Variants in IFT43 observed in about 807,000 individuals in gnomAD.
IFT43 encodes the protein intraflagellar transport protein 43 homolog.
Under a neutral mutation model 32.3 loss-of-function variants are expected in IFT43, and 33 were observed. That is an observed-to-expected ratio of 1.02 (90% confidence interval 0.77 to 1.37). The LOEUF (loss-of-function observed/expected upper bound fraction) is 1.37. Among genes scored for constraint, IFT43 ranks in the 40% most tolerant of loss-of-function variants. IFT43 has a pLI of 0.00. For synonymous variants in IFT43, 93 were observed against 98.2 expected (o/e 0.95, Z 0.31); for missense variants, 274 against 265.9 (o/e 1.03, Z -0.21).
chr14:75,986,683 A>G (rs554045480), intron 1 of IFT43, among the ~76,000 whole-genome samples: 1 of 152,288 alleles, frequency 6.6e-6, no homozygotes, highest in African/African-American at 2.4e-5. Context: ...TTCAAGACCC[A>G]AGTTCAGTGT....
chr14:75,986,019 C>A, intron 1 of IFT43, 179 bp downstream of exon 1: 1 of 1,525,250 alleles, frequency 6.6e-7, no homozygotes, highest in Admixed American at 2.0e-5. Context: ...TCCGCCGCTG[C>A]TGGCCTGGGG....
At chr14:76,072,497 G>A (rs1393123493) in intron 5 of IFT43, among the ~76,000 whole-genome samples, 2 of 152,182 alleles carry the variant, frequency 1.3e-5, no homozygotes, top group African/African-American at 2.4e-5. Context: ...TAGTAGTAAC[G>A]TCTCCGGGAT....
intron 5 of IFT43, among the ~76,000 whole-genome samples, chr14:76,070,052 A>T (rs919430996): frequency 3.9e-5 from 6 of 152,252 alleles, no homozygotes; most frequent in African/African-American, 1.4e-4. Context: ...CAAGTGTAGC[A>T]ATCTGGATGA....
chr14:75,999,225 TTTTA>T, intron 2 of IFT43, among the ~76,000 whole-genome samples: 1 of 115,722 alleles, frequency 8.6e-6, no homozygotes, highest in South Asian at 2.8e-4. Flanking sequence ...TATAAATTCA[TTTTA>T]TATATATATA....
intron 3 of IFT43, among the ~76,000 whole-genome samples, chr14:76,029,669 C>T (rs893271038): frequency 6.6e-6 from 1 of 152,074 alleles, no homozygotes; most frequent in Non-Finnish European, 1.5e-5. Context: ...CAGTTTCATT[C>T]TTTTACATAT....
chr14:76,028,329 T>C (rs2036443742), intron 3 of IFT43, among the ~76,000 whole-genome samples: 1 of 152,214 alleles, frequency 6.6e-6, no homozygotes, highest in African/African-American at 2.4e-5. Context: ...ATATCAGGGA[T>C]TGCAAAATTT....
chr14:76,007,472 C>T (rs1340537599), intron 2 of IFT43, among the ~76,000 whole-genome samples: 2 of 152,138 alleles, frequency 1.3e-5, no homozygotes, highest in Admixed American at 6.5e-5. Flanking sequence ...CCTAAAGCAT[C>T]AAGGTTACAG....
At chr14:76,078,078 C>T (rs2037441818) in intron 5 of IFT43, among the ~76,000 whole-genome samples, 1 of 152,154 alleles carries the variant, frequency 6.6e-6, no homozygotes, top group African/African-American at 2.4e-5. Context: ...AGGAAAGATA[C>T]AAGCAAGGTG....
intron 1 of IFT43, chr14:75,986,155 A>G (rs923134760): frequency 1.5e-6 from 2 of 1,354,764 alleles, no homozygotes; most frequent in Non-Finnish European, 9.7e-7. Context: ...CCCAGAACAG[A>G]TCGATCACAG....
chr14:76,040,198 C>CT (rs1232001980), intron 3 of IFT43, among the ~76,000 whole-genome samples: 1 of 152,138 alleles, frequency 6.6e-6, no homozygotes, highest in Admixed American at 6.5e-5. Context: ...CAAGCCAGTA[C>CT]TTTGGCCTCT....
intron 4 of IFT43, chr14:76,058,914 C>T (rs2037077434): frequency 6.9e-7 from 1 of 1,456,870 alleles, no homozygotes; most frequent in Admixed American, 2.7e-5. Context: ...AATTATATGT[C>T]CAGGTATCAG....
chr14:76,040,056 A>C (rs2036678152), intron 3 of IFT43, among the ~76,000 whole-genome samples: 1 of 152,136 alleles, frequency 6.6e-6, no homozygotes. Flanking sequence ...AGCCTCAAGC[A>C]ATCCTCCCAT....
At chr14:76,076,279 A>G (rs2037410929) in intron 5 of IFT43, among the ~76,000 whole-genome samples, 1 of 152,250 alleles carries the variant, frequency 6.6e-6, no homozygotes. Context: ...TCATTCGCTC[A>G]GATGTCAAGG....
intron 1 of IFT43, among the ~76,000 whole-genome samples, chr14:75,987,775 C>T (rs943381703): frequency 6.6e-6 from 1 of 152,158 alleles, no homozygotes; most frequent in African/African-American, 2.4e-5. Context: ...CACCGGAGGG[C>T]CTTGGGAAAC....
chr14:76,000,729 A>G (rs183615843), intron 2 of IFT43, among the ~76,000 whole-genome samples: 2 of 152,310 alleles, frequency 1.3e-5, no homozygotes, highest in Non-Finnish European at 2.9e-5. Context: ...GGGCAGGCAG[A>G]TAGGATGTGG....
intron 5 of IFT43, among the ~76,000 whole-genome samples, chr14:76,075,180 C>G (rs894025963): frequency 1.3e-5 from 2 of 152,206 alleles, no homozygotes; most frequent in Non-Finnish European, 2.9e-5. Context: ...ATGGTCAGTC[C>G]TGTTCCACAC....
intron 2 of IFT43, among the ~76,000 whole-genome samples, chr14:76,009,836 C>A (rs1312752432): frequency 6.6e-6 from 1 of 151,674 alleles, no homozygotes; most frequent in Admixed American, 6.6e-5. Context: ...GCTGTGTCAC[C>A]CAGGCTGGAG....
intron 2 of IFT43, among the ~76,000 whole-genome samples, chr14:75,995,591 G>A (rs2035728775): frequency 6.6e-6 from 1 of 152,176 alleles, no homozygotes; most frequent in Non-Finnish European, 1.5e-5. Flanking sequence ...TTGGCACTTT[G>A]CATTACGTCT....
intron 3 of IFT43, among the ~76,000 whole-genome samples, chr14:76,023,467 C>T (rs918491423): frequency 3.9e-5 from 6 of 152,186 alleles, no homozygotes; most frequent in African/African-American, 9.7e-5. Flanking sequence ...ATTTCTGTAT[C>T]TCTACAATGG....
Sources: allele counts gnomAD v4.1 joint callset (sites outside exome capture counted in the v4.1 genomes callset), GRCh38; gene constraint gnomAD v4.1.1; transcripts MANE v1.5; gene names NCBI Gene and HGNC (gene_info 2026-07-23, HGNC 2026-07-21).